The following DNAAF11 variants were observed in gnomAD, a reference collection of about 807,000 sequenced individuals.
DNAAF11 encodes the protein dynein axonemal assembly factor 11, also known as leucine rich repeat containing 6.
Under a neutral mutation model 60.8 loss-of-function variants are expected in DNAAF11, and 45 were observed. That is an observed-to-expected ratio of 0.74 (90% CI 0.58 to 0.95). The LOEUF is 0.95. Among genes scored for constraint, DNAAF11 ranks in the 40% least tolerant of loss-of-function variants. The pLI is 0.00. For synonymous variants in DNAAF11, 191 were observed against 183.5 expected (o/e 1.04, Z -0.33); for missense variants, 546 against 546.2 (o/e 1.00, Z 0.00).
intron 10 of DNAAF11, among the ~76,000 whole-genome samples, chr8:132,607,728 C>G (rs766318509): frequency 3.3e-5 from 5 of 152,110 alleles, no homozygotes; most frequent in Admixed American, 2.6e-4. Flanking sequence ...GCTTAATTCA[C>G]TTGGCATAAT....
intron 8 of DNAAF11, among the ~76,000 whole-genome samples, chr8:132,613,029 A>G (rs1457836210): frequency 6.6e-6 from 1 of 152,266 alleles, no homozygotes; most frequent in East Asian, 1.9e-4. Context: ...ACTTACAAGG[A>G]TGAAACAGTG....
At chr8:132,674,260 G>A (rs1436690720) in intron 1 of DNAAF11, among the ~76,000 whole-genome samples, 1 of 151,996 alleles carries the variant, frequency 6.6e-6, no homozygotes, top group East Asian at 1.9e-4. Context: ...GGTGAGACCA[G>A]GGGATGGGGA....
intron 10 of DNAAF11, among the ~76,000 whole-genome samples, chr8:132,594,807 T>TA (rs1452192741): frequency 6.6e-6 from 1 of 152,206 alleles, no homozygotes. Context: ...TTGAGTCAAT[T>TA]AAACCTCTTT....
At chr8:132,632,248 A>G (rs1820873783) in intron 5 of DNAAF11, among the ~76,000 whole-genome samples, 1 of 152,194 alleles carries the variant, frequency 6.6e-6, no homozygotes, top group African/African-American at 2.4e-5. Flanking sequence ...CAATTCACTT[A>G]AAATAAACAA....
chr8:132,572,605 A>C, intron 11 of DNAAF11, 125 bp from the exon 12 acceptor site: 1 of 589,338 alleles, frequency 1.7e-6, no homozygotes, highest in Non-Finnish European at 2.9e-6. Flanking sequence ...GCACAGAAAT[A>C]AAAGGAGAGA....
chr8:132,686,521 A>G, the DNAAF11 span, among the ~76,000 whole-genome samples: 4 of 152,084 alleles, frequency 2.6e-5, no homozygotes, highest in African/African-American at 9.7e-5. Context: ...CAGTATTCCA[A>G]CACTACTGCA....
the DNAAF11 span, among the ~76,000 whole-genome samples, chr8:132,698,812 T>G: frequency 6.6e-6 from 1 of 152,050 alleles, no homozygotes; most frequent in African/African-American, 2.4e-5. Flanking sequence ...CTGGGCACGA[T>G]GGTGCACACC....
At chr8:132,678,135 T>A (rs1563731930), upstream of DNAAF11, among the ~76,000 whole-genome samples, 1 of 152,158 alleles carries the variant, frequency 6.6e-6, no homozygotes. Context: ...ATCTGAGGAA[T>A]GGGAGCACCC....
intron 1 of DNAAF11, 104 bp downstream of exon 1, chr8:132,675,380 G>A (rs1586766270): frequency 1.5e-6 from 2 of 1,329,070 alleles, no homozygotes; most frequent in African/African-American, 1.5e-5. Flanking sequence ...CAGGCGCGGG[G>A]GAACCGACAG....
intron 1 of DNAAF11, among the ~76,000 whole-genome samples, chr8:132,673,969 A>C (rs570841497): frequency 6.6e-6 from 1 of 152,146 alleles, no homozygotes; most frequent in Admixed American, 6.5e-5. Flanking sequence ...AAGAGGGCAA[A>C]GGAAAATTCC....
chr8:132,591,056 G>A (rs1203062615), intron 10 of DNAAF11, among the ~76,000 whole-genome samples: 1 of 152,076 alleles, frequency 6.6e-6, no homozygotes, highest in Non-Finnish European at 1.5e-5. Flanking sequence ...TACATAAATT[G>A]TATATTGTAT....
At chr8:132,617,290 A>G (rs1182200064) in intron 7 of DNAAF11, among the ~76,000 whole-genome samples, 2 of 152,142 alleles carry the variant, frequency 1.3e-5, no homozygotes, top group East Asian at 3.9e-4. Context: ...GTTATAGGGC[A>G]CCCAAAAAAC....
chr8:132,654,181 A>G (rs1159980960), intron 3 of DNAAF11, among the ~76,000 whole-genome samples: 2 of 152,106 alleles, frequency 1.3e-5, no homozygotes, highest in African/African-American at 4.8e-5. Context: ...TAGACAAAAA[A>G]GGACATTTTA....
intron 4 of DNAAF11, among the ~76,000 whole-genome samples, chr8:132,635,888 G>A (rs1821244497): frequency 6.6e-6 from 1 of 152,128 alleles, no homozygotes; most frequent in Admixed American, 6.5e-5. Context: ...TCAGGGTAAT[G>A]TGTCTACAAG....
chr8:132,667,664 T>C (rs922817633), intron 1 of DNAAF11, among the ~76,000 whole-genome samples: 2 of 152,182 alleles, frequency 1.3e-5, no homozygotes, highest in South Asian at 4.1e-4. Flanking sequence ...TGAAGGATAT[T>C]GACAGCTTCA....
At chr8:132,649,951 A>G (rs527659483) in intron 3 of DNAAF11, among the ~76,000 whole-genome samples, 2 of 152,340 alleles carry the variant, frequency 1.3e-5, no homozygotes, top group African/African-American at 4.8e-5. Context: ...ATTGTGGAAG[A>G]CAGTGTGGTG....
At chr8:132,688,564 C>T in the DNAAF11 span, among the ~76,000 whole-genome samples, 1 of 152,170 alleles carries the variant, frequency 6.6e-6, no homozygotes, top group East Asian at 1.9e-4. Flanking sequence ...TAATGACAAC[C>T]AATGAGGGTC....
intron 10 of DNAAF11, among the ~76,000 whole-genome samples, chr8:132,586,793 A>C (rs567597738): frequency 1.3e-5 from 2 of 152,240 alleles, no homozygotes; most frequent in Admixed American, 1.3e-4. Flanking sequence ...GTCCTGCATC[A>C]CAGCTCAACT....
chr8:132,623,016 T>C (rs759121215), intron 6 of DNAAF11, among the ~76,000 whole-genome samples: 4 of 152,330 alleles, frequency 2.6e-5, no homozygotes, highest in African/African-American at 7.2e-5. Context: ...ATTTTATACA[T>C]GATTTACCCA....
Sources: allele counts gnomAD v4.1 joint callset (sites outside exome capture counted in the v4.1 genomes callset), GRCh38; gene constraint gnomAD v4.1.1; transcripts MANE v1.5; gene names NCBI Gene and HGNC (gene_info 2026-07-23, HGNC 2026-07-21).